Variants in TBC1D1 observed in about 807,000 individuals in gnomAD.
TBC1D1 encodes the protein TBC1 (tre-2/USP6, BUB2, cdc16) domain family, member 1.
In TBC1D1, 89 loss-of-function variants were observed where a neutral mutation model predicts 125.6. The ratio of observed to expected loss-of-function variants is 0.71; its 90% CI spans 0.60 to 0.85. The LOEUF (loss-of-function observed/expected upper bound fraction) is 0.85. Ranked by LOEUF, TBC1D1 falls within the 40% of genes least tolerant of loss-of-function variation. The probability of loss-of-function intolerance (pLI) is 0.00; values close to 1 mark genes in which losing one functional copy is unlikely to be tolerated. For missense variants in TBC1D1, 1,377 were observed against 1,469.2 expected, an observed-to-expected ratio of 0.94 and a Z score of 1.03; for synonymous variants, 565 against 564.1, an observed-to-expected ratio of 1.00 and a Z score of -0.02.
intron 12 of TBC1D1, among the ~76,000 whole-genome samples, chr4:38,065,433 T>G (rs959874796): frequency 5.3e-5 from 8 of 152,064 alleles, no homozygotes; most frequent in Non-Finnish European, 1.0e-4. Flanking sequence ...TGATAAAAAT[T>G]CCAAAAAAGT....
intron 2 of TBC1D1, among the ~76,000 whole-genome samples, chr4:37,927,183 A>G (rs1722304002): frequency 6.6e-6 from 1 of 152,106 alleles, no homozygotes; most frequent in Non-Finnish European, 1.5e-5. Context: ...TCAAATTAAC[A>G]CAGACTTCTA....
intron 2 of TBC1D1, among the ~76,000 whole-genome samples, chr4:38,004,230 T>C (rs1313790792): frequency 6.6e-6 from 1 of 152,234 alleles, no homozygotes; most frequent in Non-Finnish European, 1.5e-5. Context: ...TCTACTCTTT[T>C]AAAGGTTATT....
At chr4:38,096,661 T>C (rs997816791) in intron 14 of TBC1D1, among the ~76,000 whole-genome samples, 24 of 152,302 alleles carry the variant, frequency 1.6e-4, no homozygotes, top group African/African-American at 4.8e-4. Context: ...GTTTTTTCAG[T>C]GAGATCTGCC....
At chr4:37,929,765 C>T (rs917463844) in intron 2 of TBC1D1, among the ~76,000 whole-genome samples, 1 of 152,160 alleles carries the variant, frequency 6.6e-6, no homozygotes, top group Non-Finnish European at 1.5e-5. Context: ...TTCTGTAGTC[C>T]TCCCTAACGT....
chr4:38,135,864 GTA>G (rs3038258), intron 19 of TBC1D1, among the ~76,000 whole-genome samples: 1 of 149,798 alleles, frequency 6.7e-6, no homozygotes, highest in Non-Finnish European at 1.5e-5. Flanking sequence ...ATGTGTGTGT[GTA>G]TATATATGTG....
chr4:37,995,647 G>T lies in TBC1D1; in HGVS notation c.418-18862G>T. On this transcript the variant is annotated intron_variant, in intron 2 of 19. Transcript: ENST00000261439. This position sits in a 1 kb window ranked among gnomAD's most constrained non-coding sequence, Gnocchi z 4.3. ...TGTCTTATCTCACTTTTGCACCAACGCCTGGTAATCCATTACATGGGTCTC... is the reference window on the plus strand; with the variant it reads ...TGTCTTATCTCACTTTTGCACCAACTCCTGGTAATCCATTACATGGGTCTC... 2.0e-6 allele frequency: 1 copy of T among 510,048 alleles called. No individual in the cohort carries two copies. Among genetic ancestry groups the T allele is most frequent in the South Asian group, 1.4e-5 (1 of 70,158 alleles). The allele number at this position is 510,048 out of a possible 1,614,324, so 31.6% of individuals were successfully genotyped here.
chr4:38,102,689 G>A (rs1760580822), intron 14 of TBC1D1, among the ~76,000 whole-genome samples: 1 of 151,964 alleles, frequency 6.6e-6, no homozygotes, highest in African/African-American at 2.4e-5. Context: ...GACAAGCCTG[G>A]ACAGCATAGT....
intron 12 of TBC1D1, among the ~76,000 whole-genome samples, chr4:38,079,106 G>GT (rs34324581): frequency 0.23 from 34,985 of 152,046 alleles, 4,554 homozygotes; most frequent in East Asian, 0.45. Flanking sequence ...GGCTCCCACG[G>GT]TGGAGGGGTT....
chr4:38,074,196 A>C (rs2152515063), intron 12 of TBC1D1, among the ~76,000 whole-genome samples: 1 of 152,256 alleles, frequency 6.6e-6, no homozygotes, highest in South Asian at 2.1e-4. Context: ...GGACAGCAAA[A>C]ACCTCTAACC....
chr4:38,128,652 A>C (rs971068400), intron 18 of TBC1D1, among the ~76,000 whole-genome samples: 1 of 152,218 alleles, frequency 6.6e-6, no homozygotes, highest in Non-Finnish European at 1.5e-5. Context: ...GAGGTGGCCA[A>C]GGACAGGGCT....
intron 2 of TBC1D1, among the ~76,000 whole-genome samples, chr4:37,934,136 G>T (rs2152294045): frequency 6.6e-6 from 1 of 152,346 alleles, no homozygotes; most frequent in East Asian, 1.9e-4. Context: ...CATCCAGTGT[G>T]TTATGGTCCA....
chr4:38,049,984 G>A, intron 11 of TBC1D1, 86 bp downstream of exon 11: 2 of 1,427,274 alleles, frequency 1.4e-6, no homozygotes, highest in South Asian at 1.4e-5. Flanking sequence ...TGTTTATTGA[G>A]TGAGAGAAAT....
intron 12 of TBC1D1, among the ~76,000 whole-genome samples, chr4:38,076,476 C>T (rs903738182): frequency 3.9e-5 from 6 of 152,144 alleles, no homozygotes; most frequent in South Asian, 2.1e-4. Context: ...CTCCCGCACC[C>T]GTCTTCTGAG....
At chr4:38,044,684 A>G (rs1749061282) in intron 9 of TBC1D1, among the ~76,000 whole-genome samples, 194 bp downstream of exon 9, 2 of 152,240 alleles carry the variant, frequency 1.3e-5, no homozygotes, top group East Asian at 1.9e-4. Flanking sequence ...TTTAAAAAAA[A>G]TATTCCTTAC....
In TBC1D1 at chr4:37,974,222, C is replaced by T. The variant is rs188574708; in HGVS notation, c.418-40287C>T. On this transcript the variant is annotated intron_variant, in intron 2 of 19. Coordinates refer to ENST00000261439, the MANE Select transcript of TBC1D1 (RefSeq NM_015173.4). ...CTAAGGCCCTTTTCAAGGGTGGCCT[C>T]TGTTGGAATGATGTCACTTTTTTTT... 7.4e-4 allele frequency among the ~76,000 whole-genome samples: 112 copies of T among 152,244 alleles called. No individual in the cohort carries two copies. In the Middle Eastern group the frequency reaches 0.014, roughly 18 times the overall value.
intron 2 of TBC1D1, among the ~76,000 whole-genome samples, chr4:38,007,393 C>G (rs6844419): frequency 0.34 from 51,198 of 151,854 alleles, 9,375 homozygotes; most frequent in East Asian, 0.62. Context: ...GCTGGGACTA[C>G]AGGCGCCTGC....
intron 18 of TBC1D1, among the ~76,000 whole-genome samples, chr4:38,128,923 C>T (rs1332260182): frequency 6.6e-6 from 1 of 152,128 alleles, no homozygotes; most frequent in Non-Finnish European, 1.5e-5. Flanking sequence ...GAAGTCTCAG[C>T]TCAGTTTAAG....
rs572531386 is a variant in TBC1D1 at position 38,052,401 on chromosome 4, G to A, written c.1911-1798G>A. Among the ~76,000 whole-genome samples, 166 of 150,612 alleles carry A rather than the reference G, an allele frequency of 1.1e-3. 3 individuals carry two copies. Among genetic ancestry groups the A allele is most frequent in the Non-Finnish European group, 2.2e-3 (150 of 67,706 alleles). On this transcript the variant is annotated intron_variant, in intron 11 of 19. Coordinates refer to ENST00000261439, the MANE Select transcript of TBC1D1 (RefSeq NM_015173.4). ...GGCTGGAGTGCAGTGGCGTGATCTC[G>A]GCTCACTGCAGCTTCTGCCTTGTGG...
intron 2 of TBC1D1, among the ~76,000 whole-genome samples, chr4:37,928,139 A>G (rs928433879): frequency 2.3e-4 from 35 of 152,202 alleles, no homozygotes; most frequent in Admixed American, 5.9e-4. Flanking sequence ...CAAGGATTCA[A>G]TGAGTTAAGA....
Sources: allele counts gnomAD v4.1 joint callset (sites outside exome capture counted in the v4.1 genomes callset), GRCh38; gene constraint gnomAD v4.1.1; non-coding constraint Gnocchi (gnomAD v3.1); transcripts MANE v1.5; gene names NCBI Gene and HGNC (gene_info 2026-07-23, HGNC 2026-07-21).